PTPRM: variants seen among roughly 807,000 people sequenced by gnomAD.
The protein encoded by PTPRM is receptor-type tyrosine-protein phosphatase mu.
PTPRM carries 47 observed loss-of-function variants against 186.7 expected under a neutral mutation model. That is an observed-to-expected ratio of 0.25 (90% confidence interval 0.20 to 0.32). The LOEUF (loss-of-function observed/expected upper bound fraction) is 0.32. PTPRM is among the 10% of genes least tolerant of loss of function. The probability of loss-of-function intolerance (pLI) is 1.00; values close to 1 mark genes in which losing one functional copy is unlikely to be tolerated. For missense variants in PTPRM, 1,494 were observed against 1,865.0 expected, an observed-to-expected ratio of 0.80 and a Z score of 3.66; for synonymous variants, 668 against 674.9, an observed-to-expected ratio of 0.99 and a Z score of 0.16.
chr18:7,842,930 G>GTATA (rs1555616949), intron 2 of PTPRM, among the ~76,000 whole-genome samples: 15,163 of 99,962 alleles, frequency 0.15, 1,316 homozygotes, highest in South Asian at 0.24. Flanking sequence ...GTGTGTGTGT[G>GTATA]TATATATATA....
At chr18:8,200,090 G>A (rs2093833177) in intron 14 of PTPRM, among the ~76,000 whole-genome samples, 1 of 152,206 alleles carries the variant, frequency 6.6e-6, no homozygotes, top group African/African-American at 2.4e-5. Context: ...TATTCACAGA[G>A]CTTTGGGGAA....
chr18:7,671,324 T>C (rs577647121), intron 1 of PTPRM, among the ~76,000 whole-genome samples: 1 of 152,314 alleles, frequency 6.6e-6, no homozygotes, highest in Non-Finnish European at 1.5e-5. Flanking sequence ...CTTGTCAGGT[T>C]GCATTTACTG....
intron 20 of PTPRM, among the ~76,000 whole-genome samples, chr18:8,308,479 T>G (rs2095243215): frequency 6.6e-6 from 1 of 152,226 alleles, no homozygotes; most frequent in African/African-American, 2.4e-5. Context: ...GAAAAAGAAA[T>G]AAATTACTTA....
intron 14 of PTPRM, among the ~76,000 whole-genome samples, chr18:8,149,211 A>C (rs2092949356): frequency 6.6e-6 from 1 of 152,014 alleles, no homozygotes; most frequent in African/African-American, 2.4e-5. Context: ...ATCCTTGTTA[A>C]TTTTCTGTCT....
chr18:8,160,497 G>T (rs2093209887), intron 14 of PTPRM, among the ~76,000 whole-genome samples: 1 of 152,060 alleles, frequency 6.6e-6, no homozygotes, highest in African/African-American at 2.4e-5. Flanking sequence ...GTGTTGCCAT[G>T]CTGCCCAGGC....
chr18:8,316,519 C>T (rs193293875), intron 21 of PTPRM, among the ~76,000 whole-genome samples: 31 of 152,154 alleles, frequency 2.0e-4, no homozygotes, highest in Admixed American at 1.6e-3. Flanking sequence ...GAGAGAAGAG[C>T]CAATACTGAG....
chr18:7,642,848 TA>T (rs558868777), intron 1 of PTPRM, among the ~76,000 whole-genome samples: 38,200 of 127,124 alleles, frequency 0.3, 8,152 homozygotes, highest in African/African-American at 0.61. Context: ...AGCCTTTACT[TA>T]AAAAAAAAAA....
chr18:7,665,211 T>A (rs535015191), intron 1 of PTPRM, among the ~76,000 whole-genome samples: 1 of 152,330 alleles, frequency 6.6e-6, no homozygotes, highest in East Asian at 1.9e-4. Context: ...TCTTTTCAAC[T>A]TATGTATTTC....
chr18:7,933,480 AG>A (rs2051609921), intron 5 of PTPRM, among the ~76,000 whole-genome samples: 2 of 151,520 alleles, frequency 1.3e-5, no homozygotes, highest in South Asian at 4.2e-4. Context: ...TGTGTGTGCA[AG>A]ACATGACAGA....
In PTPRM at chr18:7,966,608, G is replaced by C. The variant is rs534097652; in HGVS notation, c.1132+11194G>C. ...AGGTCAGTGGGTGCGCGCACCGTGC[G>C]CGAGCCGAAGCAGGGCGAGGCATTG... On this transcript the variant is annotated intron_variant, in intron 7 of 32. Coordinates refer to ENST00000580170, the MANE Select transcript of PTPRM (RefSeq NM_001105244.2). 8.1e-3 allele frequency among the ~76,000 whole-genome samples: 1,202 copies of C among 147,614 alleles called. 17 individuals are homozygous for C. Among genetic ancestry groups the C allele is most frequent in the South Asian group, 0.032 (147 of 4,566 alleles).
At chr18:8,173,495 C>A (rs1377532169) in intron 14 of PTPRM, among the ~76,000 whole-genome samples, 3 of 152,138 alleles carry the variant, frequency 2.0e-5, no homozygotes, top group Non-Finnish European at 4.4e-5. Context: ...TCGTAACTGC[C>A]CAGTGGGTTC....
intron 1 of PTPRM, among the ~76,000 whole-genome samples, chr18:7,666,579 A>G (rs930322638): frequency 2.5e-4 from 38 of 152,044 alleles, no homozygotes; most frequent in African/African-American, 8.7e-4. Flanking sequence ...ATTTAATTCC[A>G]CCTCCAACAG....
At chr18:8,040,234 A>G (rs1216249985) in intron 7 of PTPRM, among the ~76,000 whole-genome samples, 1 of 152,134 alleles carries the variant, frequency 6.6e-6, no homozygotes, top group Non-Finnish European at 1.5e-5. Flanking sequence ...TATGCTTGTT[A>G]TGTGCAGCCA....
intron 1 of PTPRM, among the ~76,000 whole-genome samples, chr18:7,707,472 A>C (rs191967575): frequency 1.3e-5 from 2 of 151,898 alleles, no homozygotes; most frequent in East Asian, 3.9e-4. Flanking sequence ...CTCTAAAATA[A>C]TAATAATAAT....
chr18:8,127,291 A>G (rs1030568868), intron 13 of PTPRM, among the ~76,000 whole-genome samples: 1 of 152,170 alleles, frequency 6.6e-6, no homozygotes. Context: ...CTTAAGGGAC[A>G]GGGTCAGCCA....
intron 2 of PTPRM, among the ~76,000 whole-genome samples, chr18:7,832,997 T>C (rs1398336238): frequency 6.6e-6 from 1 of 152,196 alleles, no homozygotes; most frequent in Admixed American, 6.5e-5. Context: ...TTTATGCCAG[T>C]ACCATGTTCT....
At chr18:8,385,353 G>A (rs1568880591) in intron 30 of PTPRM, among the ~76,000 whole-genome samples, 1 of 152,262 alleles carries the variant, frequency 6.6e-6, no homozygotes, top group East Asian at 1.9e-4. Context: ...AATAGATGTA[G>A]TAAGTTAGGA....
intron 20 of PTPRM, among the ~76,000 whole-genome samples, chr18:8,306,335 G>C (rs1228064021): frequency 2.0e-5 from 3 of 152,138 alleles, no homozygotes; most frequent in Non-Finnish European, 4.4e-5. Flanking sequence ...AGCTCAGCAG[G>C]ACTCCAAATT....
intron 29 of PTPRM, among the ~76,000 whole-genome samples, chr18:8,383,154 C>T (rs1568874829): frequency 6.6e-6 from 1 of 151,604 alleles, no homozygotes; most frequent in Non-Finnish European, 1.5e-5. Context: ...AAAAATTAGC[C>T]GGGCGTGGTG....
Sources: allele counts gnomAD v4.1 joint callset (sites outside exome capture counted in the v4.1 genomes callset), GRCh38; gene constraint gnomAD v4.1.1; transcripts MANE v1.5; gene names NCBI Gene and HGNC (gene_info 2026-07-23, HGNC 2026-07-21).